COL14A1: variants seen among roughly 807,000 people sequenced by gnomAD.
The protein encoded by COL14A1 is collagen type XIV alpha 1 chain, also known as collagen alpha-1(XIV) chain.
Under a neutral mutation model 230.3 loss-of-function variants are expected in COL14A1, and 136 were observed. The ratio of observed to expected loss-of-function variants is 0.59; its 90% CI spans 0.51 to 0.68. COL14A1 has a LOEUF of 0.68. Among genes scored for constraint, COL14A1 ranks in the 30% least tolerant of loss-of-function variants. The pLI is 0.00. For synonymous variants in COL14A1, 792 were observed against 784.1 expected (o/e 1.01, Z -0.17); for missense variants, 1,976 against 2,215.8 (o/e 0.89, Z 2.17).
intron 40 of COL14A1, among the ~76,000 whole-genome samples, chr8:120,331,457 G>A (rs762681886): frequency 4.6e-5 from 7 of 152,158 alleles, no homozygotes; most frequent in Non-Finnish European, 1.0e-4. Flanking sequence ...AGTCATCCCA[G>A]CTTTTGTAGT....
chr8:120,200,925 T>A (rs979646470), intron 8 of COL14A1, among the ~76,000 whole-genome samples: 1 of 151,222 alleles, frequency 6.6e-6, no homozygotes, highest in Non-Finnish European at 1.5e-5. Context: ...AAGCAGTGAG[T>A]TCCCAGAGGT....
chr8:120,302,401 T>A (rs1820740706), intron 36 of COL14A1, among the ~76,000 whole-genome samples: 2 of 152,214 alleles, frequency 1.3e-5, no homozygotes, highest in Non-Finnish European at 2.9e-5. Flanking sequence ...TTAGTCCATC[T>A]TGAGTTAGTC....
At chr8:120,219,637 A>T (rs1284262678) in intron 14 of COL14A1, among the ~76,000 whole-genome samples, 1 of 152,144 alleles carries the variant, frequency 6.6e-6, no homozygotes, top group East Asian at 1.9e-4. Flanking sequence ...ATACTACTGC[A>T]TTGGGGATCA....
chr8:120,292,753 C>A (rs563399616), intron 34 of COL14A1, among the ~76,000 whole-genome samples: 12 of 152,166 alleles, frequency 7.9e-5, no homozygotes, highest in African/African-American at 2.9e-4. Flanking sequence ...GGTCTCCATT[C>A]CCTGCCAAAT....
chr8:120,361,334 G>T (rs562557209), intron 45 of COL14A1, among the ~76,000 whole-genome samples: 1 of 152,146 alleles, frequency 6.6e-6, no homozygotes, highest in East Asian at 1.9e-4. Context: ...CATTTGCAAG[G>T]CTCATTTACA....
chr8:120,268,786 A>G (rs1819574159), intron 25 of COL14A1, among the ~76,000 whole-genome samples: 1 of 151,654 alleles, frequency 6.6e-6, no homozygotes. Flanking sequence ...TCTTTCTTTG[A>G]TTTACTAACT....
chr8:120,140,632 A>G (rs1330610071), intron 1 of COL14A1, among the ~76,000 whole-genome samples: 1 of 152,230 alleles, frequency 6.6e-6, no homozygotes, highest in Non-Finnish European at 1.5e-5. Context: ...ATATGTGTAT[A>G]AATCTCGGCG....
At chr8:120,355,101 C>T (rs900606939) in intron 45 of COL14A1, among the ~76,000 whole-genome samples, 2 of 152,158 alleles carry the variant, frequency 1.3e-5, no homozygotes, top group Admixed American at 6.5e-5. Flanking sequence ...CTGGACAATC[C>T]AGTGATTGAC....
chr8:120,252,424 A>T (rs1819002049), intron 22 of COL14A1, among the ~76,000 whole-genome samples: 1 of 152,244 alleles, frequency 6.6e-6, no homozygotes, highest in Non-Finnish European at 1.5e-5. Flanking sequence ...CATTAAAGAC[A>T]ACATATAAAT....
chr8:120,277,952 C>A, intron 26 of COL14A1, 159 bp from the exon 27 acceptor site: 1 of 602,552 alleles, frequency 1.7e-6, no homozygotes, highest in Non-Finnish European at 2.7e-6. Context: ...AATTTGTCTT[C>A]AAATTTGGTA....
chr8:120,367,930 GGAGA>G (rs1231664727), intron 46 of COL14A1, among the ~76,000 whole-genome samples: 1 of 150,322 alleles, frequency 6.7e-6, no homozygotes, highest in African/African-American at 2.5e-5. Context: ...GGTGACAGAG[GGAGA>G]CCCTGTCTCG....
At chr8:120,124,992 G>A (rs1586698416), upstream of COL14A1, 2 of 152,398 alleles carry the variant, frequency 1.3e-5, no homozygotes, top group Non-Finnish European at 2.9e-5. Flanking sequence ...GGGAGAGGAG[G>A]AGGAGAGAAA....
chr8:120,174,034 A>T (rs1232692412), intron 5 of COL14A1, among the ~76,000 whole-genome samples: 1 of 152,204 alleles, frequency 6.6e-6, no homozygotes, highest in Non-Finnish European at 1.5e-5. Context: ...ATCTGTGAGT[A>T]TGTAAAACAT....
intron 9 of COL14A1, among the ~76,000 whole-genome samples, chr8:120,204,405 G>A (rs1253978753): frequency 6.6e-6 from 1 of 152,092 alleles, no homozygotes; most frequent in African/African-American, 2.4e-5. Context: ...AAAATATTAC[G>A]TGAATGGAGG....
intron 1 of COL14A1, among the ~76,000 whole-genome samples, chr8:120,143,378 G>T (rs1814980610): frequency 6.6e-6 from 1 of 152,202 alleles, no homozygotes; most frequent in Admixed American, 6.5e-5. Flanking sequence ...CAGCACTTTG[G>T]GAGGCCGAGG....
At chr8:120,315,694 C>T in intron 39 of COL14A1, 108 bp downstream of exon 39, 1 of 964,694 alleles carries the variant, frequency 1.0e-6, no homozygotes, top group South Asian at 1.5e-5. Flanking sequence ...AAGTGTTTTC[C>T]ATATTAAAGA....
chr8:120,202,710 A>C (rs1402764962), intron 8 of COL14A1, among the ~76,000 whole-genome samples: 1 of 151,978 alleles, frequency 6.6e-6, no homozygotes, highest in Non-Finnish European at 1.5e-5. Flanking sequence ...TTATATGGAA[A>C]ACACTTACTA....
intron 25 of COL14A1, 117 bp from the exon 26 acceptor site, chr8:120,269,918 T>A (rs1165770035): frequency 5.6e-6 from 6 of 1,063,692 alleles, no homozygotes; most frequent in Non-Finnish European, 8.2e-6. Flanking sequence ...GAAGTTTATA[T>A]CTTTCCTTTG....
chr8:120,126,737 T>A lies in COL14A1; in HGVS notation c.-38+1397T>A, dbSNP rs189654699. On this transcript the variant is annotated intron_variant, in intron 1 of 47. Coordinates refer to ENST00000297848, the MANE Select transcript of COL14A1 (RefSeq NM_021110.4). ...GATGCAGTGAAGGACCGGTGTTCTG[T>A]TTCTGACAGCATGGTCCAGTCTGCA... 2.5e-3 allele frequency among the ~76,000 whole-genome samples: 385 copies of A among 152,308 alleles called. 2 individuals are homozygous for A. The highest frequency in any genetic ancestry group is 7.8e-3 in the African/African-American group (326 of 41,564).
Sources: allele counts gnomAD v4.1 joint callset (sites outside exome capture counted in the v4.1 genomes callset), GRCh38; gene constraint gnomAD v4.1.1; transcripts MANE v1.5; gene names NCBI Gene and HGNC (gene_info 2026-07-23, HGNC 2026-07-21).